The following ATRNL1 variants were observed in gnomAD, a reference collection of about 807,000 sequenced individuals.
ATRNL1 encodes attractin-like protein 1.
ATRNL1 carries 95 observed loss-of-function variants against 182.7 expected under a neutral mutation model. That is an observed-to-expected ratio of 0.52 (90% CI 0.44 to 0.62). ATRNL1 has a LOEUF of 0.62. ATRNL1 is among the 20% of genes least tolerant of loss of function. ATRNL1 has a pLI of 0.00. For synonymous variants in ATRNL1, 576 were observed against 568.3 expected, an observed-to-expected ratio of 1.01 and a Z score of -0.19; for missense variants, 1,471 against 1,679.5, an observed-to-expected ratio of 0.88 and a Z score of 2.17.
chr10:115,326,618 A>G (rs1367242162), intron 18 of ATRNL1, among the ~76,000 whole-genome samples: 1 of 151,970 alleles, frequency 6.6e-6, no homozygotes, highest in South Asian at 2.1e-4. Context: ...AAGAGCCCAC[A>G]TCGCCAAGTC....
intron 10 of ATRNL1, among the ~76,000 whole-genome samples, chr10:115,262,379 T>C (rs1365522123): frequency 6.6e-6 from 1 of 151,956 alleles, no homozygotes; most frequent in East Asian, 1.9e-4. Context: ...AAATATGATA[T>C]ATGGGAAAAA....
chr10:115,341,977 C>T (rs992766726), intron 19 of ATRNL1, among the ~76,000 whole-genome samples: 10 of 151,906 alleles, frequency 6.6e-5, no homozygotes, highest in Non-Finnish European at 1.5e-4. Flanking sequence ...CAGCCACTCT[C>T]TTGATTGAAG....
chr10:115,341,515 A>G (rs1466768640), intron 19 of ATRNL1, among the ~76,000 whole-genome samples: 1 of 152,050 alleles, frequency 6.6e-6, no homozygotes, highest in African/African-American at 2.4e-5. Context: ...TAACTATCTG[A>G]TAGATCCATT....
intron 26 of ATRNL1, among the ~76,000 whole-genome samples, chr10:115,618,852 A>G (rs1414592570): frequency 1.3e-5 from 2 of 152,008 alleles, no homozygotes; most frequent in African/African-American, 4.8e-5. Flanking sequence ...CTGGAGTATT[A>G]TTATGTTCCT....
At chr10:115,538,057 T>C (rs1554991003) in intron 25 of ATRNL1, among the ~76,000 whole-genome samples, 1 of 152,232 alleles carries the variant, frequency 6.6e-6, no homozygotes, top group Non-Finnish European at 1.5e-5. Context: ...TGCTAAGTAG[T>C]ATTTCATTAT....
intron 26 of ATRNL1, among the ~76,000 whole-genome samples, chr10:115,598,762 A>C (rs1856425386): frequency 1.3e-5 from 2 of 152,238 alleles, no homozygotes; most frequent in South Asian, 4.1e-4. Context: ...TTAATACCTG[A>C]CTCAATAGAA....
intron 9 of ATRNL1, among the ~76,000 whole-genome samples, chr10:115,236,290 G>A (rs1215854243): frequency 6.6e-6 from 1 of 151,984 alleles, no homozygotes; most frequent in South Asian, 2.1e-4. Context: ...TATAGATCTG[G>A]GCATGTATCT....
At chr10:115,330,613 G>A (rs1554934750) in intron 18 of ATRNL1, among the ~76,000 whole-genome samples, 1 of 149,876 alleles carries the variant, frequency 6.7e-6, no homozygotes, top group African/African-American at 2.4e-5. Context: ...CTTGGCCTGT[G>A]GGGTTTCTCC....
intron 19 of ATRNL1, among the ~76,000 whole-genome samples, chr10:115,386,910 C>T (rs552113839): frequency 2.0e-5 from 3 of 147,120 alleles, no homozygotes; most frequent in East Asian, 2.1e-4. Context: ...TGAGAACATG[C>T]GGTGTTTGGT....
At chr10:115,589,903 A>G (rs182929958) in intron 26 of ATRNL1, among the ~76,000 whole-genome samples, 2 of 152,310 alleles carry the variant, frequency 1.3e-5, no homozygotes, top group East Asian at 1.9e-4. Context: ...ATGAGAGGCC[A>G]TCTTCATTGC....
intron 28 of ATRNL1, among the ~76,000 whole-genome samples, chr10:115,869,535 A>T (rs1951527282): frequency 6.6e-6 from 1 of 151,708 alleles, no homozygotes; most frequent in East Asian, 1.9e-4. Flanking sequence ...GGAAAGGAGG[A>T]CTCATTTCTC....
At chr10:115,148,765 T>TTC (rs1846084850) in intron 5 of ATRNL1, among the ~76,000 whole-genome samples, 1 of 143,310 alleles carries the variant, frequency 7.0e-6, no homozygotes, top group Non-Finnish European at 1.5e-5. Flanking sequence ...TTTTTTTTTT[T>TTC]CTTTCTAAGA....
chr10:115,259,842 A>G (rs1554908297), intron 10 of ATRNL1, among the ~76,000 whole-genome samples: 1 of 152,182 alleles, frequency 6.6e-6, no homozygotes, highest in Non-Finnish European at 1.5e-5. Flanking sequence ...TCCAACCAGA[A>G]ACACAGATAT....
At chr10:115,781,541 T>C (rs1565373365) in intron 27 of ATRNL1, among the ~76,000 whole-genome samples, 2 of 152,020 alleles carry the variant, frequency 1.3e-5, no homozygotes, top group Non-Finnish European at 2.9e-5. Flanking sequence ...CCCACAAACA[T>C]AATGTTGAAC....
chr10:115,164,616 T>C (rs1475461558), intron 6 of ATRNL1, among the ~76,000 whole-genome samples: 1 of 152,046 alleles, frequency 6.6e-6, no homozygotes, highest in Non-Finnish European at 1.5e-5. Context: ...GAAAATGTGG[T>C]ATATATACAC....
At chr10:115,704,752 T>G (rs1051473768) in intron 26 of ATRNL1, among the ~76,000 whole-genome samples, 1 of 151,928 alleles carries the variant, frequency 6.6e-6, no homozygotes, top group Admixed American at 6.6e-5. Flanking sequence ...CCACATTTTC[T>G]TATATTCTAA....
intron 20 of ATRNL1, among the ~76,000 whole-genome samples, chr10:115,396,055 T>G (rs568910828): frequency 6.6e-6 from 1 of 152,016 alleles, no homozygotes; most frequent in Non-Finnish European, 1.5e-5. Flanking sequence ...CCTTTTATTT[T>G]TATTTAAAAT....
chr10:115,355,005 T>C (rs1017539207), intron 19 of ATRNL1, among the ~76,000 whole-genome samples: 1 of 152,130 alleles, frequency 6.6e-6, no homozygotes, highest in Non-Finnish European at 1.5e-5. Flanking sequence ...GCTCGAGTGA[T>C]TTTTTATTGT....
intron 14 of ATRNL1, among the ~76,000 whole-genome samples, chr10:115,285,403 A>G (rs1217274560): frequency 6.6e-6 from 1 of 152,112 alleles, no homozygotes; most frequent in Non-Finnish European, 1.5e-5. Context: ...GGTCCTTCAT[A>G]CAGGGCTAGA....
Sources: allele counts gnomAD v4.1 joint callset (sites outside exome capture counted in the v4.1 genomes callset), GRCh38; gene constraint gnomAD v4.1.1; transcripts MANE v1.5; gene names NCBI Gene and HGNC (gene_info 2026-07-23, HGNC 2026-07-21).